Variants in CNOT6L observed in about 807,000 individuals in gnomAD.
CNOT6L encodes CCR4-NOT transcription complex subunit 6-like.
Under a neutral mutation model 64.0 loss-of-function variants are expected in CNOT6L, and 7 were observed. The ratio of observed to expected loss-of-function variants is 0.11; its 90% confidence interval spans 0.06 to 0.21. The LOEUF is 0.21. Among genes scored for constraint, CNOT6L ranks in the 10% least tolerant of loss-of-function variants. CNOT6L has a pLI of 1.00. For synonymous variants in CNOT6L, 193 were observed against 243.4 expected (o/e 0.79, Z 1.93); for missense variants, 245 against 669.0 (o/e 0.37, Z 6.99).
chr4:77,762,800 T>C (rs1310972664), intron 4 of CNOT6L, among the ~76,000 whole-genome samples: 1 of 152,106 alleles, frequency 6.6e-6, no homozygotes, highest in Admixed American at 6.6e-5. Flanking sequence ...GAGAAGAAGG[T>C]ATTGACTTCA....
chr4:77,777,210 A>T lies in CNOT6L; in HGVS notation c.6-818T>A, dbSNP rs532748982. The stretch of plus-strand genomic sequence containing the variant: ...TGGTTTATATCTGTTGTTCTGAAGC[A>T]ATTATTATTATCATCCCTTTTCATG... On this transcript the variant is annotated intron_variant, in intron 1 of 11. Transcript: ENST00000504123. 6.9e-4 allele frequency among the ~76,000 whole-genome samples: 105 copies of T among 152,324 alleles called. 1 individual carries two copies. Among genetic ancestry groups the T allele is most frequent in the South Asian group, 5.8e-3 (28 of 4,826 alleles).
intron 1 of CNOT6L, among the ~76,000 whole-genome samples, chr4:77,815,405 T>C (rs1011042113): frequency 6.6e-6 from 1 of 152,166 alleles, no homozygotes; most frequent in Non-Finnish European, 1.5e-5. Flanking sequence ...TTTAAGCCCC[T>C]CAGTGATGAG....
chr4:77,807,293 A>AAAAAT (rs1553899159), intron 1 of CNOT6L, among the ~76,000 whole-genome samples: 1 of 150,870 alleles, frequency 6.6e-6, no homozygotes, highest in African/African-American at 2.4e-5. Context: ...AAAAAAAAAA[A>AAAAAT]TCCTACAATC....
intron 9 of CNOT6L, among the ~76,000 whole-genome samples, chr4:77,729,640 C>T (rs974236431): frequency 6.6e-6 from 1 of 151,978 alleles, no homozygotes; most frequent in East Asian, 1.9e-4. Flanking sequence ...AGTCTGGACA[C>T]GTGGGTTTTA....
At chr4:77,783,159 A>AAC (rs949434168) in intron 1 of CNOT6L, among the ~76,000 whole-genome samples, 3 of 151,554 alleles carry the variant, frequency 2.0e-5, no homozygotes, top group African/African-American at 7.3e-5. Context: ...TCAAAAAAAA[A>AAC]AAAAAAAAAA....
intron 4 of CNOT6L, among the ~76,000 whole-genome samples, chr4:77,760,837 C>G (rs1577957556): frequency 7.5e-6 from 1 of 132,992 alleles, no homozygotes; most frequent in African/African-American, 2.9e-5. Context: ...GCTAGGACTA[C>G]AGGTGCACAC....
chr4:77,759,801 T>A (rs188597018), intron 4 of CNOT6L, among the ~76,000 whole-genome samples: 4 of 152,328 alleles, frequency 2.6e-5, no homozygotes, highest in Non-Finnish European at 5.9e-5. Flanking sequence ...ATCAACCAAC[T>A]TGGCCTATTA....
intron 1 of CNOT6L, among the ~76,000 whole-genome samples, chr4:77,810,983 T>G (rs1158945082): frequency 1.3e-5 from 2 of 152,202 alleles, no homozygotes; most frequent in African/African-American, 4.8e-5. Flanking sequence ...TTCCATTCTT[T>G]TTGAAGACGG....
rs1296273390 is a variant in CNOT6L, at chr4:77,768,470, AATAAATATAT to A, written c.400+4601_400+4610del. 7.1e-4 allele frequency among the ~76,000 whole-genome samples: 95 copies of A among 134,402 alleles called. 3 individuals carry two copies. The highest frequency in any genetic ancestry group is 1.9e-3 in the African/African-American group (66 of 33,910). 88.2% of individuals were successfully genotyped at this position (134,402 alleles called of 152,430 possible). A position where few individuals can be genotyped will look rare whatever the true frequency, so the allele number is the denominator to read the frequency against. ...ACAGAGTGAGACTCTGTCTAAAATAAATAAATATATATATATATATATATATATATATATA... is the reference window on the plus strand; with the variant it reads ...ACAGAGTGAGACTCTGTCTAAAATAAATATATATATATATATATATATATA... On this transcript the variant is annotated intron_variant, in intron 4 of 11. Coordinates refer to ENST00000504123, the MANE Select transcript of CNOT6L (RefSeq NM_144571.3).
Position 77,774,642 on chromosome 4 carries a change from G to C in CNOT6L, c.202C>G (p.Leu68Val). The part of the protein sequence containing the change: ...LTALHLNDNY[L>V]SRIPPDIAKL... ...GCAATATCAGGTGGAATGCGACTAA[G>C]GTAATTGTCATTTAGGTGCAGCGCT... is the stretch of plus-strand genomic sequence containing the variant. Residue 68 changes from leucine to valine, a missense_variant, in exon 3 of 12, where the codon CTT (leucine) becomes GTT (valine). Transcript: ENST00000504123. 6.2e-7 allele frequency: 1 copy of C among 1,613,588 alleles called. No homozygotes were observed. Among genetic ancestry groups the C allele is most frequent in the Non-Finnish European group, 8.5e-7 (1 of 1,179,680 alleles).
intron 8 of CNOT6L, among the ~76,000 whole-genome samples, chr4:77,736,856 G>T (rs1723002756): frequency 6.6e-6 from 1 of 151,778 alleles, no homozygotes; most frequent in Non-Finnish European, 1.5e-5. Context: ...ATGGATAAAA[G>T]AACATATATT....
At chr4:77,818,658 T>C (rs1733845550) in intron 1 of CNOT6L, among the ~76,000 whole-genome samples, 1 of 152,042 alleles carries the variant, frequency 6.6e-6, no homozygotes, top group Non-Finnish European at 1.5e-5. Flanking sequence ...AAATAAGCCT[T>C]CGCCTCTCAG....
intron 1 of CNOT6L, among the ~76,000 whole-genome samples, chr4:77,794,012 C>A (rs918471304): frequency 1.3e-5 from 2 of 151,246 alleles, no homozygotes; most frequent in African/African-American, 2.4e-5. Flanking sequence ...ATTAGCCGGG[C>A]ATGGTAGTGG....
At chr4:77,820,018 C>CTGGCCT (rs1186391457), upstream of CNOT6L, among the ~76,000 whole-genome samples, 20 of 152,244 alleles carry the variant, frequency 1.3e-4, no homozygotes, top group Admixed American at 2.6e-4. Flanking sequence ...CACGCAGAGC[C>CTGGCCT]TGGCCTTGGC....
intron 1 of CNOT6L, among the ~76,000 whole-genome samples, chr4:77,787,777 T>C (rs1729622291): frequency 6.6e-6 from 1 of 152,268 alleles, no homozygotes; most frequent in African/African-American, 2.4e-5. Flanking sequence ...ATAAGTTATT[T>C]ACCTAACTTT....
At chr4:77,744,973 T>C (rs927171237) in intron 6 of CNOT6L, 98 bp from the exon 7 acceptor site, 1 of 835,280 alleles carries the variant, frequency 1.2e-6, no homozygotes. Context: ...CACACACACA[T>C]ACGCCACATA....
At chr4:77,764,470 A>G (rs914036834) in intron 4 of CNOT6L, among the ~76,000 whole-genome samples, 3 of 152,160 alleles carry the variant, frequency 2.0e-5, no homozygotes, top group African/African-American at 2.4e-5. Flanking sequence ...CTCTCTGCCT[A>G]TGGAGTAGTC....
At chr4:77,783,150 CAAAA>C in intron 1 of CNOT6L, among the ~76,000 whole-genome samples, 1 of 102,148 alleles carries the variant, frequency 9.8e-6, no homozygotes, top group Admixed American at 1.1e-4. Flanking sequence ...TGTGACCACT[CAAAA>C]AAAAAAAAAA....
chr4:77,813,892 T>G (rs1733250391), intron 1 of CNOT6L, among the ~76,000 whole-genome samples: 1 of 152,164 alleles, frequency 6.6e-6, no homozygotes, highest in Non-Finnish European at 1.5e-5. Context: ...AATTCCACTC[T>G]TAGGTACACA....
Sources: gnomAD v4.1 joint callset for allele counts (sites outside exome capture counted in the v4.1 genomes callset) on GRCh38, gnomAD v4.1.1 for gene constraint, MANE v1.5 for transcripts, NCBI Gene and HGNC (gene_info 2026-07-23, HGNC 2026-07-21) for gene names.